The following CUBN variants were observed in gnomAD, a reference collection of about 807,000 sequenced individuals.
CUBN encodes 460 kDa receptor.
CUBN carries 282 observed loss-of-function variants against 405.3 expected under a neutral mutation model. The ratio of observed to expected loss-of-function variants is 0.70; its 90% CI spans 0.63 to 0.77. The LOEUF (loss-of-function observed/expected upper bound fraction) is 0.77. Among genes scored for constraint, CUBN ranks in the 30% least tolerant of loss-of-function variants. CUBN has a pLI of 0.00. For synonymous variants in CUBN, 1,684 were observed against 1,617.0 expected (o/e 1.04, Z -0.99); for missense variants, 4,514 against 4,475.2 (o/e 1.01, Z -0.25).
chr10:17,023,681 G>T (rs541583606), intron 27 of CUBN: 4 of 454,920 alleles, frequency 8.8e-6, no homozygotes, highest in Admixed American at 2.4e-5. Flanking sequence ...CTTTTAGAGA[G>T]CCTGAAGATC....
intron 59 of CUBN, among the ~76,000 whole-genome samples, chr10:16,857,542 T>G (rs1424384001): frequency 6.6e-6 from 1 of 152,180 alleles, no homozygotes; most frequent in Non-Finnish European, 1.5e-5. Context: ...CTTTCCAACT[T>G]GGAAATTAAA....
intron 56 of CUBN, among the ~76,000 whole-genome samples, chr10:16,878,953 T>A (rs1478888847): frequency 6.6e-6 from 1 of 152,264 alleles, no homozygotes; most frequent in African/African-American, 2.4e-5. Flanking sequence ...ATGTTGTTTA[T>A]CTATTCATCA....
At chr10:17,120,548 G>A (rs1837013809) in intron 6 of CUBN, among the ~76,000 whole-genome samples, 3 of 152,190 alleles carry the variant, frequency 2.0e-5, no homozygotes, top group Admixed American at 2.0e-4. Context: ...GAGTGCAAGA[G>A]AGAATTTCGT....
At chr10:16,883,755 T>C (rs1325846194) in intron 56 of CUBN, among the ~76,000 whole-genome samples, 1 of 152,226 alleles carries the variant, frequency 6.6e-6, no homozygotes, top group African/African-American at 2.4e-5. Context: ...TGAAGCCATC[T>C]CTAGAGGACA....
chr10:16,996,349 T>C (rs1833735088), intron 28 of CUBN, among the ~76,000 whole-genome samples: 1 of 152,228 alleles, frequency 6.6e-6, no homozygotes, highest in African/African-American at 2.4e-5. Context: ...TTGCCTTGAT[T>C]TTCCTCCAAA....
chr10:17,050,503 G>A (rs1347594151), intron 22 of CUBN, among the ~76,000 whole-genome samples: 1 of 152,198 alleles, frequency 6.6e-6, no homozygotes, highest in Non-Finnish European at 1.5e-5. Flanking sequence ...GAAGTATATA[G>A]AGAGGAAAGC....
intron 14 of CUBN, among the ~76,000 whole-genome samples, chr10:17,096,877 A>T (rs886915780): frequency 6.6e-6 from 1 of 152,142 alleles, no homozygotes; most frequent in Non-Finnish European, 1.5e-5. Flanking sequence ...TAAAAATGAC[A>T]AAATACTTTC....
chr10:16,970,653 TTCCGTA>T (rs78887653), intron 31 of CUBN, among the ~76,000 whole-genome samples: 6,510 of 152,036 alleles, frequency 0.043, 203 homozygotes, highest in East Asian at 0.15. Flanking sequence ...TAGTCTGCCA[TTCCGTA>T]TCCTGTACAT....
chr10:16,916,773 G>T (rs1252631784), intron 45 of CUBN, among the ~76,000 whole-genome samples: 1 of 151,476 alleles, frequency 6.6e-6, no homozygotes, highest in Non-Finnish European at 1.5e-5. Flanking sequence ...AAATCAAAAT[G>T]CTGAAGAGGC....
chr10:16,926,975 C>T (rs185061191), intron 41 of CUBN, among the ~76,000 whole-genome samples: 1 of 151,764 alleles, frequency 6.6e-6, no homozygotes, highest in Admixed American at 6.6e-5. Context: ...TCCCTCATAC[C>T]CCACCCATCC....
At chr10:16,973,319 G>C (rs1832992997) in intron 31 of CUBN, among the ~76,000 whole-genome samples, 1 of 152,112 alleles carries the variant, frequency 6.6e-6, no homozygotes, top group Non-Finnish European at 1.5e-5. Context: ...CTGGCTTCCA[G>C]GCCCAAATGA....
Position 17,050,768 on chromosome 10 carries a change from G to A in CUBN, c.3140-3165C>T, listed in dbSNP as rs181516547. Among the ~76,000 whole-genome samples the A allele has an allele frequency of 7.9e-5, 12 of 152,248 alleles. No homozygotes were observed. The East Asian group carries it at 2.3e-3, about 30-fold the overall frequency. ...GAGTAGGGCTCTCTAGAACTTCCGG[G>A]CCAAAGGATAAGTCTTAACAAGACC... On this transcript the variant is annotated intron_variant, in intron 22 of 66. Transcript: ENST00000377833.
At chr10:16,870,681 G>C (rs1840324249) in intron 58 of CUBN, among the ~76,000 whole-genome samples, 1 of 152,218 alleles carries the variant, frequency 6.6e-6, no homozygotes, top group Non-Finnish European at 1.5e-5. Flanking sequence ...TGGGTTGTTG[G>C]ATGACCACGA....
At chr10:16,945,377 A>T (rs1034243881) in intron 36 of CUBN, among the ~76,000 whole-genome samples, 4 of 152,202 alleles carry the variant, frequency 2.6e-5, no homozygotes, top group African/African-American at 9.7e-5. Context: ...GGAGCTTAAT[A>T]AATATCTGTT....
chr10:16,958,656 T>C (rs1564447392), intron 31 of CUBN, among the ~76,000 whole-genome samples: 1 of 152,164 alleles, frequency 6.6e-6, no homozygotes, highest in East Asian at 1.9e-4. Context: ...TCTATAAAAA[T>C]AAAGACAGGG....
chr10:16,890,971 AG>A (rs1341321387), intron 54 of CUBN, among the ~76,000 whole-genome samples: 4 of 152,208 alleles, frequency 2.6e-5, no homozygotes, highest in Admixed American at 6.5e-5. Context: ...GCATGAAGAA[AG>A]TGGGCATGAA....
rs1840297681 is a variant in CUBN at position 16,869,804 on chromosome 10, G to A, written c.9286C>T (p.Leu3096=). 1 of 1,613,944 alleles carries A rather than the reference G, an allele frequency of 6.2e-7. No individual in the cohort carries two copies. The highest frequency in any genetic ancestry group is 1.7e-5 in the Admixed American group (1 of 60,006). ...GTATTGGCACCATCGTAAATTGCCAGGTAGTCATGGGAGCAGGAGGTGGAG... is the reference window on the plus strand; with the variant it reads ...GTATTGGCACCATCGTAAATTGCCAAGTAGTCATGGGAGCAGGAGGTGGAG... ...VPSTSCSHDY[L]AIYDGANTSD... The change falls in exon 59 of 67, where the codon CTG becomes TTG. Residue 3096 remains leucine, a synonymous_variant. Transcript: ENST00000377833.
At chr10:16,994,502 G>A (rs1357488384) in intron 28 of CUBN, among the ~76,000 whole-genome samples, 3 of 152,018 alleles carry the variant, frequency 2.0e-5, no homozygotes, top group East Asian at 1.9e-4. Context: ...TCATATTTGC[G>A]ACTCTGGATG....
chr10:17,001,185 A>G (rs1394202009), intron 28 of CUBN, among the ~76,000 whole-genome samples: 3 of 152,014 alleles, frequency 2.0e-5, no homozygotes, highest in African/African-American at 7.3e-5. Flanking sequence ...AGACCTTTGG[A>G]GTGAGTGTTA....
Sources: gnomAD v4.1 joint callset for allele counts (sites outside exome capture counted in the v4.1 genomes callset) on GRCh38, gnomAD v4.1.1 for gene constraint, MANE v1.5 for transcripts, NCBI Gene and HGNC (gene_info 2026-07-23, HGNC 2026-07-21) for gene names.